Variants in PTPRD observed in about 807,000 individuals in gnomAD.
The protein encoded by PTPRD is receptor-type tyrosine-protein phosphatase delta.
A neutral mutation model predicts 214.5 loss-of-function variants in PTPRD; 34 were observed. The observed-to-expected ratio is 0.16, with a 90% CI of 0.12 to 0.21. The LOEUF (loss-of-function observed/expected upper bound fraction) is 0.21. Among genes scored for constraint, PTPRD ranks in the 10% least tolerant of loss-of-function variants. The pLI, the probability that PTPRD is intolerant of heterozygous loss-of-function variation, is 1.00. For missense variants in PTPRD, 2,545 were observed against 2,398.7 expected, an observed-to-expected ratio of 1.06 and a Z score of -1.27; for synonymous variants, 1,128 against 845.7, an observed-to-expected ratio of 1.33 and a Z score of -5.79.
At chr9:9,652,146 C>T (rs1450618110) in intron 7 of PTPRD, among the ~76,000 whole-genome samples, 1 of 151,922 alleles carries the variant, frequency 6.6e-6, no homozygotes, top group South Asian at 2.1e-4. Flanking sequence ...CTGGCCTATT[C>T]AAGCTTTAAT....
intron 31 of PTPRD, among the ~76,000 whole-genome samples, chr9:8,466,166 C>T (rs1242113143): frequency 1.3e-5 from 2 of 151,866 alleles, no homozygotes; most frequent in Non-Finnish European, 2.9e-5. Context: ...TACAAATTCC[C>T]TCAAATCAGC....
At chr9:9,958,315 A>C (rs2094107637) in intron 4 of PTPRD, among the ~76,000 whole-genome samples, 1 of 152,166 alleles carries the variant, frequency 6.6e-6, no homozygotes, top group Non-Finnish European at 1.5e-5. Context: ...GGATCACCTG[A>C]GGTCAGGAGT....
intron 8 of PTPRD, among the ~76,000 whole-genome samples, chr9:9,501,174 T>C (rs1400543639): frequency 6.6e-6 from 1 of 151,946 alleles, no homozygotes; most frequent in African/African-American, 2.4e-5. Context: ...ACTTGAAATG[T>C]GAATGGATTA....
intron 11 of PTPRD, among the ~76,000 whole-genome samples, chr9:8,761,978 A>G (rs2094442602): frequency 6.6e-6 from 1 of 152,190 alleles, no homozygotes; most frequent in South Asian, 2.1e-4. Context: ...AGGGTCAAAT[A>G]AACTCAGATG....
At chr9:10,132,838 T>A (rs1363139257) in intron 3 of PTPRD, among the ~76,000 whole-genome samples, 1 of 152,130 alleles carries the variant, frequency 6.6e-6, no homozygotes, top group Non-Finnish European at 1.5e-5. Context: ...AGCCAACATC[T>A]AAGATGACAC....
chr9:8,461,472 C>G (rs904187691), intron 32 of PTPRD, among the ~76,000 whole-genome samples: 1 of 151,974 alleles, frequency 6.6e-6, no homozygotes, highest in Non-Finnish European at 1.5e-5. Context: ...AAAACATCTT[C>G]TTGGCTCTAC....
At chr9:9,167,661 A>T (rs2130820861) in intron 10 of PTPRD, among the ~76,000 whole-genome samples, 1 of 152,172 alleles carries the variant, frequency 6.6e-6, no homozygotes, top group East Asian at 1.9e-4. Flanking sequence ...AGGCTGAGGC[A>T]CAAGAATCGC....
intron 4 of PTPRD, among the ~76,000 whole-genome samples, chr9:9,949,983 G>T (rs1333308938): frequency 6.6e-6 from 1 of 152,074 alleles, no homozygotes; most frequent in African/African-American, 2.4e-5. Flanking sequence ...TTTTGTTTCT[G>T]CAACCAAGCT....
chr9:8,628,499 A>T (rs550635018), intron 14 of PTPRD, among the ~76,000 whole-genome samples: 1 of 151,670 alleles, frequency 6.6e-6, no homozygotes, highest in African/African-American at 2.4e-5. Flanking sequence ...AATTTTTTCC[A>T]TCTTGCAAGA....
chr9:9,333,759 A>C (rs1439101395), intron 9 of PTPRD, among the ~76,000 whole-genome samples: 1 of 151,754 alleles, frequency 6.6e-6, no homozygotes, highest in Non-Finnish European at 1.5e-5. Context: ...ATGAGGTCAA[A>C]ATTTAAAATT....
At position 10,392,684 on chromosome 9, in the gene PTPRD, C is replaced by T. The variant is rs190958038; in HGVS notation, c.-599-51667G>A. Among the ~76,000 whole-genome samples the T allele has an allele frequency of 3.8e-4, 58 of 151,814 alleles. No individual in the cohort carries two copies. In the South Asian group the frequency reaches 8.9e-3, roughly 23 times the overall value. ...TAATGGGAATCCAGAGAAGAGAATT[C>T]GGAATTCTGCCAGAATATTATGTCT... On this transcript the variant is annotated intron_variant, in intron 2 of 45. Coordinates refer to ENST00000381196, the MANE Select transcript of PTPRD (RefSeq NM_002839.4).
intron 3 of PTPRD, among the ~76,000 whole-genome samples, chr9:10,093,047 T>C (rs2098448335): frequency 6.6e-6 from 1 of 151,300 alleles, no homozygotes; most frequent in African/African-American, 2.4e-5. Flanking sequence ...CTTTGGCAAA[T>C]AATTTATGAT....
rs75576866 is a variant in PTPRD at position 8,500,358 on chromosome 9, G to C, written c.2128+396C>G. The stretch of plus-strand genomic sequence containing the variant: ...TTGAGCATCAATGTCTCTGAAATAT[G>C]TAAGACAAAAAGGCAACAAAAAGGT... On this transcript the variant is annotated intron_variant, in intron 24 of 45. Coordinates refer to ENST00000381196, the MANE Select transcript of PTPRD (RefSeq NM_002839.4). Among the ~76,000 whole-genome samples the C allele has an allele frequency of 2.6e-5, 4 of 151,320 alleles. No individual in the cohort carries two copies. The East Asian group carries it at 5.8e-4, about 22-fold the overall frequency.
At chr9:9,499,199 T>C (rs1417179035) in intron 8 of PTPRD, among the ~76,000 whole-genome samples, 3 of 152,170 alleles carry the variant, frequency 2.0e-5, no homozygotes, top group East Asian at 1.9e-4. Context: ...TTTTTCATCA[T>C]GTTGATAAAA....
At position 9,137,258 on chromosome 9, in the gene PTPRD, C is replaced by T. The variant is rs575239756; in HGVS notation, c.-143+46046G>A. ...ATTGTTTCAATAATTTATATTTAAG[C>T]CTCAAGGTTTCTGTATAACCTTCCT... On this transcript the variant is annotated intron_variant, in intron 10 of 45. Coordinates refer to ENST00000381196, the MANE Select transcript of PTPRD (RefSeq NM_002839.4). Among the ~76,000 whole-genome samples the T allele has an allele frequency of 3.3e-5, 5 of 152,234 alleles. No individual in the cohort carries two copies. The East Asian group carries it at 5.8e-4, about 18-fold the overall frequency.
chr9:9,140,570 C>T (rs1180458322), intron 10 of PTPRD, among the ~76,000 whole-genome samples: 1 of 152,172 alleles, frequency 6.6e-6, no homozygotes, highest in African/African-American at 2.4e-5. Flanking sequence ...GTGACAGAAA[C>T]AGTGCTACAT....
At chr9:9,381,121 A>G (rs78230365) in intron 9 of PTPRD, among the ~76,000 whole-genome samples, 2 of 152,024 alleles carry the variant, frequency 1.3e-5, no homozygotes, top group African/African-American at 4.8e-5. Flanking sequence ...GTTGGGTCTT[A>G]TATTTTGATC....
intron 21 of PTPRD, among the ~76,000 whole-genome samples, chr9:8,514,527 T>TG (rs1284475705): frequency 6.7e-6 from 1 of 149,422 alleles, no homozygotes; most frequent in African/African-American, 2.5e-5. Flanking sequence ...TAAACTTAGT[T>TG]TTTTTTTTTT....
At chr9:9,231,009 C>CTTGAAAGT (rs1329445962) in intron 9 of PTPRD, among the ~76,000 whole-genome samples, 1 of 151,852 alleles carries the variant, frequency 6.6e-6, no homozygotes, top group African/African-American at 2.4e-5. Context: ...TGAGCTGAAA[C>CTTGAAAGT]TTGAAAGTTC....
Sources: gnomAD v4.1 joint callset for allele counts (sites outside exome capture counted in the v4.1 genomes callset) on GRCh38, gnomAD v4.1.1 for gene constraint, MANE v1.5 for transcripts, NCBI Gene and HGNC (gene_info 2026-07-23, HGNC 2026-07-21) for gene names.